KCNB2: variants seen among roughly 807,000 people sequenced by gnomAD.
KCNB2 encodes the protein potassium voltage-gated channel subfamily B member 2, also known as delayed rectifier potassium channel protein.
KCNB2 carries 15 observed loss-of-function variants against 61.5 expected under a neutral mutation model. The observed-to-expected ratio is 0.24, with a 90% CI of 0.16 to 0.38. KCNB2 has a LOEUF of 0.38. Among genes scored for constraint, KCNB2 ranks in the 10% least tolerant of loss-of-function variants. The pLI is 1.00. For missense variants in KCNB2, 828 were observed against 1,125.2 expected, an observed-to-expected ratio of 0.74 and a Z score of 3.78; for synonymous variants, 457 against 446.0, an observed-to-expected ratio of 1.02 and a Z score of -0.31.
chr8:72,568,133 G>A lies in KCNB2; in HGVS notation c.399G>A (p.Leu133=). The A allele has an allele frequency of 6.2e-7, 1 of 1,614,074 alleles. No individual in the cohort carries two copies. The highest frequency in any genetic ancestry group is 1.1e-5 in the South Asian group (1 of 91,072). The change falls in exon 2 of 3, where the codon TTG becomes TTA. Residue 133 remains leucine, a synonymous_variant. Transcript: ENST00000523207. ...LDYWGIDEIY[L]ESCCQARYHQ... is the part of the protein sequence containing the mutation. The stretch of plus-strand genomic sequence containing the variant: ...ACTGGGGGATTGATGAGATCTACTT[G>A]GAGTCCTGCTGCCAGGCCAGATATC...
In KCNB2 at chr8:72,757,309, T is replaced by C. The variant is rs907095177; in HGVS notation, c.580-178626T>C. On this transcript the variant is annotated intron_variant, in intron 2 of 2. Transcript: ENST00000523207. ...GTCAATGGGGACTTACACTAGAGCA[T>C]TTTAGCTGACCACAATGGGGTTGGA... Among the ~76,000 whole-genome samples the C allele has an allele frequency of 3.3e-5, 5 of 152,164 alleles. 1 individual carries two copies.
intron 2 of KCNB2, among the ~76,000 whole-genome samples, chr8:72,752,528 A>C (rs1467876298): frequency 3.3e-5 from 5 of 152,138 alleles, no homozygotes; most frequent in Non-Finnish European, 7.4e-5. Context: ...CATCTACTGC[A>C]CTCAGACTGG....
chr8:72,675,678 T>A (rs1052505879), intron 2 of KCNB2, among the ~76,000 whole-genome samples: 1 of 152,014 alleles, frequency 6.6e-6, no homozygotes, highest in Non-Finnish European at 1.5e-5. Flanking sequence ...CTCAGCCTCC[T>A]GAGTAGCTGG....
At chr8:72,833,788 G>A (rs566179388) in intron 2 of KCNB2, among the ~76,000 whole-genome samples, 1 of 152,162 alleles carries the variant, frequency 6.6e-6, no homozygotes, top group African/African-American at 2.4e-5. Context: ...TCAGAGTTGA[G>A]AGGAAGAAAA....
intron 2 of KCNB2, among the ~76,000 whole-genome samples, chr8:72,768,742 G>T (rs1808503191): frequency 6.6e-6 from 1 of 152,092 alleles, no homozygotes; most frequent in South Asian, 2.1e-4. Context: ...TTTATGTATA[G>T]CATAAGGAAG....
At chr8:72,861,814 C>CT (rs1418953512) in intron 2 of KCNB2, among the ~76,000 whole-genome samples, 1 of 152,132 alleles carries the variant, frequency 6.6e-6, no homozygotes, top group East Asian at 1.9e-4. Context: ...TCCTAATGTC[C>CT]CATGAATCCT....
intron 1 of KCNB2, among the ~76,000 whole-genome samples, chr8:72,557,548 A>G (rs1400054953): frequency 2.6e-5 from 4 of 152,226 alleles, no homozygotes; most frequent in African/African-American, 7.2e-5. Flanking sequence ...CACTTGTACA[A>G]CATTTTAAAC....
chr8:72,811,978 C>G (rs566366425), intron 2 of KCNB2, among the ~76,000 whole-genome samples: 1 of 152,274 alleles, frequency 6.6e-6, no homozygotes, highest in South Asian at 2.1e-4. Flanking sequence ...AAAGGTGAAG[C>G]AGGCTGGGCA....
chr8:72,677,613 G>A (rs981587064), intron 2 of KCNB2, among the ~76,000 whole-genome samples: 4 of 152,066 alleles, frequency 2.6e-5, no homozygotes, highest in African/African-American at 9.7e-5. Context: ...AATCTAGGGC[G>A]CATATCTCAG....
chr8:72,851,292 A>G (rs1585931604), intron 2 of KCNB2, among the ~76,000 whole-genome samples: 1 of 21,464 alleles, frequency 4.7e-5, no homozygotes, highest in East Asian at 4.3e-4. Flanking sequence ...ACTGGGTGAC[A>G]ATAAAGTCTA....
At chr8:72,639,192 A>G (rs1218677133) in intron 2 of KCNB2, among the ~76,000 whole-genome samples, 11 of 152,134 alleles carry the variant, frequency 7.2e-5, no homozygotes, top group Admixed American at 7.2e-4. Context: ...TGATGAACAC[A>G]TCTTCCCCAG....
At chr8:72,814,404 C>G (rs893367182) in intron 2 of KCNB2, among the ~76,000 whole-genome samples, 2 of 152,128 alleles carry the variant, frequency 1.3e-5, no homozygotes, top group Admixed American at 1.3e-4. Flanking sequence ...TCAGCTTTTA[C>G]AGGTACGACC....
chr8:72,599,401 G>A (rs1807253400), intron 2 of KCNB2, among the ~76,000 whole-genome samples: 1 of 152,172 alleles, frequency 6.6e-6, no homozygotes, highest in African/African-American at 2.4e-5. Flanking sequence ...GCCATATATA[G>A]AAAGCTGAAA....
At chr8:72,824,169 T>C (rs1809558245) in intron 2 of KCNB2, among the ~76,000 whole-genome samples, 1 of 152,124 alleles carries the variant, frequency 6.6e-6, no homozygotes, top group Non-Finnish European at 1.5e-5. Context: ...TGACCAAATA[T>C]CAAATCTCTG....
At chr8:72,730,162 A>C (rs578207538) in intron 2 of KCNB2, among the ~76,000 whole-genome samples, 100 of 152,256 alleles carry the variant, frequency 6.6e-4, no homozygotes, top group African/African-American at 2.1e-3. Context: ...ATTAGTAGCA[A>C]AACTTTCATT....
At chr8:72,674,162 C>A (rs577377586) in intron 2 of KCNB2, among the ~76,000 whole-genome samples, 1 of 152,252 alleles carries the variant, frequency 6.6e-6, no homozygotes, top group African/African-American at 2.4e-5. Flanking sequence ...GAACCCTAAG[C>A]GTAACTCTGA....
At chr8:72,608,623 G>A (rs1207152187) in intron 2 of KCNB2, among the ~76,000 whole-genome samples, 3 of 152,066 alleles carry the variant, frequency 2.0e-5, no homozygotes, top group African/African-American at 7.2e-5. Flanking sequence ...AGCTAGCCTC[G>A]GGGTACCACC....
At chr8:72,684,057 A>G (rs1806807492) in intron 2 of KCNB2, among the ~76,000 whole-genome samples, 1 of 152,208 alleles carries the variant, frequency 6.6e-6, no homozygotes, top group South Asian at 2.1e-4. Flanking sequence ...AGCTGGAGTG[A>G]GGTAATCAGT....
intron 2 of KCNB2, among the ~76,000 whole-genome samples, chr8:72,727,175 GA>G (rs1203673231): frequency 6.6e-6 from 1 of 152,058 alleles, no homozygotes; most frequent in Non-Finnish European, 1.5e-5. Context: ...GAAATGAAGA[GA>G]AATGTTTCAA....
Sources: allele counts gnomAD v4.1 joint callset (sites outside exome capture counted in the v4.1 genomes callset), GRCh38; gene constraint gnomAD v4.1.1; transcripts MANE v1.5; gene names NCBI Gene and HGNC (gene_info 2026-07-23, HGNC 2026-07-21).